The following SPTLC3 variants were observed in gnomAD, a reference collection of about 807,000 sequenced individuals.
SPTLC3 encodes serine palmitoyltransferase 3.
Under a neutral mutation model 59.3 loss-of-function variants are expected in SPTLC3, and 36 were observed. The observed-to-expected ratio is 0.61, with a 90% CI of 0.47 to 0.80. SPTLC3 has a LOEUF of 0.80. SPTLC3 is among the 30% of genes least tolerant of loss of function. The probability of loss-of-function intolerance (pLI) is 0.00; values close to 1 mark genes in which losing one functional copy is unlikely to be tolerated. For missense variants in SPTLC3, 625 were observed against 685.1 expected, an observed-to-expected ratio of 0.91 and a Z score of 0.98; for synonymous variants, 257 against 240.8, an observed-to-expected ratio of 1.07 and a Z score of -0.62.
intron 2 of SPTLC3, among the ~76,000 whole-genome samples, chr20:13,067,044 CAT>C (rs143918659): frequency 1.7e-4 from 12 of 71,078 alleles, no homozygotes; most frequent in Non-Finnish European, 3.3e-4. Context: ...GTCACTTCTA[CAT>C]ATATATATAT....
At chr20:13,073,429 A>T (rs1988519913) in intron 3 of SPTLC3, among the ~76,000 whole-genome samples, 1 of 152,170 alleles carries the variant, frequency 6.6e-6, no homozygotes, top group Admixed American at 6.5e-5. Flanking sequence ...CAAGTTAATA[A>T]GAAAGAAAAT....
intron 9 of SPTLC3, among the ~76,000 whole-genome samples, chr20:13,128,874 T>C (rs951033900): frequency 1.5e-3 from 135 of 93,048 alleles, no homozygotes; most frequent in Middle Eastern, 5.8e-3. Context: ...CCAGCTAATT[T>C]TTTTTTTTTT....
intron 3 of SPTLC3, 50 bp downstream of exon 3, chr20:13,072,460 A>G (rs768387397): frequency 3.7e-5 from 55 of 1,484,148 alleles, no homozygotes; most frequent in Non-Finnish European, 4.6e-5. Context: ...CCTTTCAAGG[A>G]AATCCTAGCA....
intron 6 of SPTLC3, among the ~76,000 whole-genome samples, chr20:13,103,035 A>G (rs755826449): frequency 1.3e-5 from 2 of 152,160 alleles, no homozygotes; most frequent in Non-Finnish European, 2.9e-5. Flanking sequence ...GCTTCTTTCA[A>G]CTGCCTAAGG....
At chr20:13,089,465 A>G (rs1989130903) in intron 4 of SPTLC3, among the ~76,000 whole-genome samples, 1 of 151,634 alleles carries the variant, frequency 6.6e-6, no homozygotes, top group African/African-American at 2.4e-5. Flanking sequence ...TATGCAGACT[A>G]TTGCCATTTA....
At chr20:13,025,678 G>A (rs1381457228) in intron 1 of SPTLC3, among the ~76,000 whole-genome samples, 1 of 152,154 alleles carries the variant, frequency 6.6e-6, no homozygotes, top group African/African-American at 2.4e-5. Flanking sequence ...TGGTGAAACA[G>A]TGCCAGAATA....
chr20:13,147,564 G>A (rs1209937308), intron 9 of SPTLC3, among the ~76,000 whole-genome samples: 1 of 152,198 alleles, frequency 6.6e-6, no homozygotes, highest in Non-Finnish European at 1.5e-5. Flanking sequence ...CTGGCAGATA[G>A]AGAAGCAGGG....
At chr20:13,071,367 C>T (rs1355956437) in intron 2 of SPTLC3, among the ~76,000 whole-genome samples, 3 of 152,142 alleles carry the variant, frequency 2.0e-5, no homozygotes, top group Non-Finnish European at 4.4e-5. Flanking sequence ...AGCATTCCTA[C>T]GCGTGATGTT....
At chr20:13,046,570 C>T (rs1164720842) in intron 1 of SPTLC3, among the ~76,000 whole-genome samples, 6 of 152,142 alleles carry the variant, frequency 3.9e-5, no homozygotes, top group Admixed American at 3.3e-4. Context: ...TTTTGTGTCC[C>T]TGTGATGCAG....
At chr20:13,051,949 C>A (rs529698448) in intron 2 of SPTLC3, among the ~76,000 whole-genome samples, 6 of 152,076 alleles carry the variant, frequency 3.9e-5, no homozygotes, top group African/African-American at 1.4e-4. Flanking sequence ...AGTTCATAGC[C>A]CTAAACTCCT....
intron 6 of SPTLC3, among the ~76,000 whole-genome samples, chr20:13,105,065 A>G (rs896420177): frequency 1.3e-5 from 2 of 152,172 alleles, no homozygotes; most frequent in African/African-American, 4.8e-5. Context: ...AGAATCCCAT[A>G]AGGCCTACAG....
chr20:13,076,796 C>T (rs553807969), intron 4 of SPTLC3, among the ~76,000 whole-genome samples: 30 of 152,246 alleles, frequency 2.0e-4, no homozygotes, highest in Non-Finnish European at 3.8e-4. Context: ...AGCCCACCTC[C>T]CTGCTGCAAC....
intron 9 of SPTLC3, among the ~76,000 whole-genome samples, chr20:13,146,911 C>T (rs2038524668): frequency 6.6e-6 from 1 of 152,196 alleles, no homozygotes; most frequent in Admixed American, 6.5e-5. Flanking sequence ...TGCGTAATGC[C>T]TTCATGATCT....
chr20:13,138,451 G>A (rs934148207), intron 9 of SPTLC3, among the ~76,000 whole-genome samples: 2 of 151,990 alleles, frequency 1.3e-5, no homozygotes, highest in Non-Finnish European at 2.9e-5. Flanking sequence ...AGTCCCTTGC[G>A]GTTTTTACTT....
At chr20:13,023,389 G>T (rs180805256) in intron 1 of SPTLC3, among the ~76,000 whole-genome samples, 4 of 152,138 alleles carry the variant, frequency 2.6e-5, no homozygotes, top group Admixed American at 1.3e-4. Context: ...AGGTCCACCT[G>T]GGCAGGAATT....
At chr20:13,016,237 T>A (rs1324373333) in intron 1 of SPTLC3, among the ~76,000 whole-genome samples, 1 of 152,146 alleles carries the variant, frequency 6.6e-6, no homozygotes, top group East Asian at 1.9e-4. Flanking sequence ...TCAGTTTCCA[T>A]GAGAAAAGAA....
chr20:13,103,540 T>C (rs1989701582), intron 6 of SPTLC3, among the ~76,000 whole-genome samples: 1 of 152,224 alleles, frequency 6.6e-6, no homozygotes, highest in Non-Finnish European at 1.5e-5. Flanking sequence ...ATATTTTTGC[T>C]GAGCAACCCA....
chr20:13,017,296 C>T (rs965520399), intron 1 of SPTLC3, among the ~76,000 whole-genome samples: 4 of 152,176 alleles, frequency 2.6e-5, no homozygotes, highest in African/African-American at 9.7e-5. Context: ...ATTAGTGAAC[C>T]TGTCACCTCC....
intron 1 of SPTLC3, among the ~76,000 whole-genome samples, chr20:13,027,922 T>TATATTTATATCATATAAG (rs1986239532): frequency 6.6e-6 from 1 of 152,238 alleles, no homozygotes; most frequent in Non-Finnish European, 1.5e-5. Context: ...TTTTATATGA[T>TATATTTATATCATATAAG]GTATATTTCT....
Sources: allele counts gnomAD v4.1 joint callset (sites outside exome capture counted in the v4.1 genomes callset), GRCh38; gene constraint gnomAD v4.1.1; transcripts MANE v1.5; gene names NCBI Gene and HGNC (gene_info 2026-07-23, HGNC 2026-07-21).